Variants in DROSHA observed in about 807,000 individuals in gnomAD.
DROSHA encodes ribonuclease 3.
DROSHA carries 56 observed loss-of-function variants against 181.9 expected under a neutral mutation model. The ratio of observed to expected loss-of-function variants is 0.31; its 90% CI spans 0.25 to 0.38. The LOEUF is 0.38. DROSHA is among the 10% of genes least tolerant of loss of function. The probability of loss-of-function intolerance (pLI) is 1.00; values close to 1 mark genes in which losing one functional copy is unlikely to be tolerated. For missense variants in DROSHA, 1,218 were observed against 1,743.5 expected (o/e 0.70, Z 5.37); for synonymous variants, 524 against 591.2 (o/e 0.89, Z 1.65).
At chr5:31,473,768 AGAG>A (rs1750031181) in intron 16 of DROSHA, among the ~76,000 whole-genome samples, 1 of 152,232 alleles carries the variant, frequency 6.6e-6, no homozygotes, top group Admixed American at 6.5e-5. Flanking sequence ...GCAGTCTGGA[AGAG>A]GAGAAGAAAG....
intron 30 of DROSHA, among the ~76,000 whole-genome samples, chr5:31,420,945 T>C (rs1742588994): frequency 6.6e-6 from 1 of 152,236 alleles, no homozygotes; most frequent in Admixed American, 6.5e-5. Context: ...AGTGTTTATT[T>C]TGTGGTTATT....
At chr5:31,428,636 T>C (rs745802751) in intron 27 of DROSHA, among the ~76,000 whole-genome samples, 1 of 152,244 alleles carries the variant, frequency 6.6e-6, no homozygotes, top group African/African-American at 2.4e-5. Context: ...CCAAAACTAT[T>C]GATCCTTTTT....
chr5:31,486,649 A>G (rs1751799778), intron 13 of DROSHA, 87 bp from the exon 14 acceptor site: 2 of 1,105,804 alleles, frequency 1.8e-6, no homozygotes, highest in African/African-American at 1.6e-5. Context: ...CCAAAAGGCC[A>G]TGAACCAAAT....
intron 19 of DROSHA, 51 bp from the exon 20 acceptor site, chr5:31,464,394 T>C (rs1748774612): frequency 6.6e-7 from 1 of 1,515,446 alleles, no homozygotes; most frequent in African/African-American, 1.4e-5. Flanking sequence ...AAAGCAATAG[T>C]AAGCCAAACA....
At chr5:31,491,847 T>G (rs932309201) in intron 13 of DROSHA, among the ~76,000 whole-genome samples, 25 of 152,332 alleles carry the variant, frequency 1.6e-4, no homozygotes, top group Admixed American at 1.5e-3. Flanking sequence ...CAGGCTGGAG[T>G]GCAGCAGCAT....
chr5:31,495,192 G>C, intron 12 of DROSHA, 94 bp downstream of exon 12: 2 of 1,329,914 alleles, frequency 1.5e-6, no homozygotes, highest in South Asian at 1.3e-5. Flanking sequence ...TTCAAAGTAA[G>C]AACATTTGAG....
At chr5:31,457,829 G>T (rs1270824973) in intron 20 of DROSHA, among the ~76,000 whole-genome samples, 1 of 152,158 alleles carries the variant, frequency 6.6e-6, no homozygotes, top group African/African-American at 2.4e-5. Context: ...GTTCAAGGCT[G>T]TAGTGAGCCA....
chr5:31,499,568 G>GA (rs113211548), intron 11 of DROSHA, among the ~76,000 whole-genome samples: 2 of 152,134 alleles, frequency 1.3e-5, no homozygotes, highest in Admixed American at 6.5e-5. Context: ...AGACTGTGGA[G>GA]AAAATGATAG....
At chr5:31,436,675 G>A (rs1206155710) in intron 24 of DROSHA, among the ~76,000 whole-genome samples, 1 of 151,880 alleles carries the variant, frequency 6.6e-6, no homozygotes, top group Non-Finnish European at 1.5e-5. Flanking sequence ...TTCCAGGCGT[G>A]AGCCACCGCG....
At chr5:31,486,605 T>G in intron 13 of DROSHA, 43 bp from the exon 14 acceptor site, 2 of 1,571,988 alleles carry the variant, frequency 1.3e-6, no homozygotes, top group Non-Finnish European at 8.7e-7. Context: ...AACGTCTCCC[T>G]GCAGGCTCAT....
intron 16 of DROSHA, among the ~76,000 whole-genome samples, chr5:31,479,384 T>C (rs1750759004): frequency 6.6e-6 from 1 of 152,148 alleles, no homozygotes; most frequent in Non-Finnish European, 1.5e-5. Context: ...AGAAAGAAAT[T>C]GTTCTTTTCA....
At chr5:31,429,444 C>CA (rs763278282) in intron 27 of DROSHA, 31 bp downstream of exon 27, 85 of 1,579,476 alleles carry the variant, frequency 5.4e-5, no homozygotes, top group South Asian at 7.0e-5. Flanking sequence ...TAATATATAA[C>CA]AAAAAAAATC....
Position 31,424,482 on chromosome 5 carries a change from G to A in DROSHA, c.3217-11C>T. 1 of 1,588,064 alleles carries A rather than the reference G, an allele frequency of 6.3e-7. No individual in the cohort carries two copies. The highest frequency in any genetic ancestry group is 1.3e-5 in the African/African-American group (1 of 74,606). ...GACTTCGCGCAGGTCCTGGAAAATG[G>A]AGTGATGCCTTTAATGCTCAAGGGA... On this transcript the variant is annotated splice_polypyrimidine_tract_variant and intron_variant, in intron 27 of 35. Transcript: ENST00000344624.
intron 13 of DROSHA, among the ~76,000 whole-genome samples, chr5:31,492,130 C>A (rs1374736840): frequency 6.6e-6 from 1 of 152,034 alleles, no homozygotes; most frequent in African/African-American, 2.4e-5. Context: ...AACAGATGGT[C>A]CCCCCGAAGA....
In DROSHA at chr5:31,418,008, TA is replaced by T. The variant is rs1438785886; in HGVS notation, c.3525+3263del. Among the ~76,000 whole-genome samples the T allele has an allele frequency of 2.0e-5, 3 of 152,248 alleles. No individual in the cohort carries two copies. The East Asian group carries it at 5.8e-4, about 29-fold the overall frequency. ...ATCTCTCAGAGTTCAAAAATGCCCG[TA>T]AGAACAGCAAAGGCAGGCTTTTCAA... On this transcript the variant is annotated intron_variant, in intron 30 of 35. Coordinates refer to ENST00000344624, the MANE Select transcript of DROSHA (RefSeq NM_001382508.1).
At chr5:31,418,167 A>C (rs955432827) in intron 30 of DROSHA, among the ~76,000 whole-genome samples, 4 of 151,644 alleles carry the variant, frequency 2.6e-5, no homozygotes, top group African/African-American at 9.7e-5. Flanking sequence ...AATAAACATC[A>C]CTTCTTTCAA....
chr5:31,509,760 T>C (rs1327965560), intron 9 of DROSHA, among the ~76,000 whole-genome samples: 5 of 152,214 alleles, frequency 3.3e-5, no homozygotes, highest in African/African-American at 9.6e-5. Context: ...CACAGACTTA[T>C]GCTAACTGAA....
intron 23 of DROSHA, among the ~76,000 whole-genome samples, chr5:31,447,931 C>T (rs891728805): frequency 6.6e-6 from 1 of 152,182 alleles, no homozygotes; most frequent in African/African-American, 2.4e-5. Flanking sequence ...ACAGCCACTT[C>T]AGAAAACAGT....
chr5:31,446,446 C>CAAAAAAAAAA lies in DROSHA; in HGVS notation c.2882+2091_2882+2100dup, dbSNP rs60001713. Among the ~76,000 whole-genome samples, 525 of 59,290 alleles carry CAAAAAAAAAA rather than the reference C, an allele frequency of 8.9e-3. 31 individuals carry two copies. The highest frequency in any genetic ancestry group is 0.014 in the African/African-American group (260 of 18,254). The allele number at this position is 59,290 out of a possible 152,430, so 38.9% of individuals were successfully genotyped here. ...TGGGCGACAGAGCGAGACTCTGTCT[C>CAAAAAAAAAA]AAAAAAAAAAAAAAAAAAAAGATTC... On this transcript the variant is annotated intron_variant, in intron 23 of 35. Transcript: ENST00000344624.
Sources: allele counts gnomAD v4.1 joint callset (sites outside exome capture counted in the v4.1 genomes callset), GRCh38; gene constraint gnomAD v4.1.1; transcripts MANE v1.5; gene names NCBI Gene and HGNC (gene_info 2026-07-23, HGNC 2026-07-21).